TENM3: variants seen among roughly 807,000 people sequenced by gnomAD.
The protein encoded by TENM3 is teneurin transmembrane protein 3.
Under a neutral mutation model 255.1 loss-of-function variants are expected in TENM3, and 63 were observed. The ratio of observed to expected loss-of-function variants is 0.25; its 90% CI spans 0.20 to 0.30. TENM3 has a LOEUF of 0.30. TENM3 is among the 10% of genes least tolerant of loss of function. The pLI is 1.00. For synonymous variants in TENM3, 1,306 were observed against 1,322.3 expected (o/e 0.99, Z 0.27); for missense variants, 2,929 against 3,461.1 (o/e 0.85, Z 3.86).
intron 3 of TENM3, among the ~76,000 whole-genome samples, chr4:182,377,671 A>G (rs1036541781): frequency 9.9e-5 from 15 of 152,202 alleles, no homozygotes; most frequent in African/African-American, 3.4e-4. Flanking sequence ...CACTATATAT[A>G]AAGTCATATA....
At chr4:182,277,409 A>T (rs56226077) in intron 1 of TENM3, among the ~76,000 whole-genome samples, 17,388 of 152,068 alleles carry the variant, frequency 0.11, 2,202 homozygotes, top group African/African-American at 0.31. Context: ...TTTCAGAGAA[A>T]CCAGGTATTT....
rs752885680 is a variant in TENM3, at chr4:182,793,879, A to G, written c.7207A>G (p.Ile2403Val). 3.1e-5 allele frequency: 50 copies of G among 1,601,140 alleles called. No homozygotes were observed. Among genetic ancestry groups the G allele is most frequent in the Non-Finnish European group, 4.1e-5 (48 of 1,172,512 alleles). Residue 2403 changes from isoleucine to valine, a missense_variant, in exon 26 of 28, where the codon ATC becomes GTC. Physicochemically the swap from Ile to Val is conservative, Grantham distance 29 (BLOSUM62 3). Transcript: ENST00000511685. This position sits in a 1 kb window ranked among gnomAD's most constrained non-coding sequence, Gnocchi z 5.7. Reference protein sequence around the residue: ...ASKIHDVKDYITDVNSWLVTF... With the variant: ...ASKIHDVKDYVTDVNSWLVTF... ...CAAAATCCATGACGTGAAAGATTAC[A>G]TCACAGGTAAGCATTTTGATTCCTT...
At chr4:182,277,131 G>C (rs1185644305) in intron 1 of TENM3, among the ~76,000 whole-genome samples, 1 of 152,208 alleles carries the variant, frequency 6.6e-6, no homozygotes, top group Non-Finnish European at 1.5e-5. Flanking sequence ...ACTTGGGAAT[G>C]TTTAAAGAAA....
At chr4:181,858,842 G>A in the TENM3 span, among the ~76,000 whole-genome samples, 1 of 152,164 alleles carries the variant, frequency 6.6e-6, no homozygotes, top group Non-Finnish European at 1.5e-5. Context: ...GAAACCAGTT[G>A]TACAGGGGGC....
the TENM3 span, among the ~76,000 whole-genome samples, chr4:181,660,642 C>T: frequency 2.0e-5 from 3 of 152,044 alleles, no homozygotes; most frequent in East Asian, 1.9e-4. Flanking sequence ...GAACTTATTC[C>T]GGCTTGCAAT....
chr4:182,288,694 C>G (rs998882149), intron 1 of TENM3, among the ~76,000 whole-genome samples: 1 of 152,136 alleles, frequency 6.6e-6, no homozygotes, highest in East Asian at 1.9e-4. Flanking sequence ...AGTGACTTCT[C>G]CAAGCTCATA....
At chr4:181,573,816 C>T in the TENM3 span, among the ~76,000 whole-genome samples, 81 of 152,218 alleles carry the variant, frequency 5.3e-4, 1 homozygote, top group South Asian at 0.016. Context: ...AAATTATACT[C>T]CTATTCACAC....
the TENM3 span, among the ~76,000 whole-genome samples, chr4:181,766,383 G>C: frequency 6.6e-6 from 1 of 152,006 alleles, no homozygotes; most frequent in Non-Finnish European, 1.5e-5. Flanking sequence ...CGGGGAGTAG[G>C]GGCTTAAGTA....
intron 1 of TENM3, among the ~76,000 whole-genome samples, chr4:182,255,601 C>T (rs1002341066): frequency 2.0e-5 from 3 of 152,166 alleles, no homozygotes; most frequent in Non-Finnish European, 4.4e-5. Flanking sequence ...AGTCAGAGAT[C>T]ATTGTGGCAC....
At chr4:182,105,745 T>G in the TENM3 span, among the ~76,000 whole-genome samples, 1 of 152,190 alleles carries the variant, frequency 6.6e-6, no homozygotes, top group Non-Finnish European at 1.5e-5. Context: ...CACCCTTATG[T>G]AGCGGATTGA....
intron 3 of TENM3, among the ~76,000 whole-genome samples, chr4:182,516,475 TCCCTACCTCACGGCCAAACA>T (rs1200392145): frequency 6.6e-6 from 1 of 152,220 alleles, no homozygotes; most frequent in Admixed American, 6.5e-5. Flanking sequence ...CTTTATTAGT[TCCCTACCTCACGGCCAAACA>T]CTTTTTATTA....
intron 3 of TENM3, among the ~76,000 whole-genome samples, chr4:182,570,293 T>C (rs1744227413): frequency 6.6e-6 from 1 of 152,102 alleles, no homozygotes; most frequent in Non-Finnish European, 1.5e-5. Context: ...TTGGATAATA[T>C]TGATTGGGAG....
intron 3 of TENM3, among the ~76,000 whole-genome samples, chr4:182,495,608 G>T (rs1242269232): frequency 6.6e-6 from 1 of 152,174 alleles, no homozygotes; most frequent in Non-Finnish European, 1.5e-5. Flanking sequence ...AGAAAGCATA[G>T]GCTGTTGTGG....
At chr4:182,657,025 C>A (rs1052766713) in intron 6 of TENM3, among the ~76,000 whole-genome samples, 5 of 152,180 alleles carry the variant, frequency 3.3e-5, no homozygotes, top group African/African-American at 1.2e-4. Flanking sequence ...AGCTCAAACA[C>A]TGGTCTCTTT....
intron 7 of TENM3, among the ~76,000 whole-genome samples, chr4:182,673,898 C>G (rs1239132709): frequency 3.9e-5 from 6 of 152,176 alleles, no homozygotes; most frequent in African/African-American, 1.4e-4. Context: ...GAACTGCTGG[C>G]AATTCCACAG....
At chr4:181,458,922 A>C in the TENM3 span, among the ~76,000 whole-genome samples, 1 of 151,956 alleles carries the variant, frequency 6.6e-6, no homozygotes, top group African/African-American at 2.4e-5. Context: ...ATACCTAGAG[A>C]GTGCTATTCC....
chr4:181,716,083 A>G, the TENM3 span, among the ~76,000 whole-genome samples: 1 of 152,222 alleles, frequency 6.6e-6, no homozygotes, highest in Non-Finnish European at 1.5e-5. Context: ...AAAATGTACA[A>G]TAAAAATGAA....
intron 2 of TENM3, among the ~76,000 whole-genome samples, chr4:182,331,133 G>A (rs999448008): frequency 1.3e-5 from 2 of 152,098 alleles, no homozygotes; most frequent in African/African-American, 4.8e-5. Context: ...CTAGCAGTCT[G>A]ACCAATTTAG....
intron 6 of TENM3, among the ~76,000 whole-genome samples, chr4:182,666,854 T>G (rs972010244): frequency 3.3e-5 from 5 of 151,898 alleles, no homozygotes; most frequent in Middle Eastern, 3.4e-3. Context: ...GAGCCGAGAT[T>G]GGGCCACTGC....
Sources: allele counts gnomAD v4.1 joint callset (sites outside exome capture counted in the v4.1 genomes callset), GRCh38; gene constraint gnomAD v4.1.1; non-coding constraint Gnocchi (gnomAD v3.1); transcripts MANE v1.5; gene names NCBI Gene and HGNC (gene_info 2026-07-23, HGNC 2026-07-21).